The following LATS2 variants were observed in gnomAD, a reference collection of about 807,000 sequenced individuals.
The protein encoded by LATS2 is serine/threonine-protein kinase LATS2.
Under a neutral mutation model 76.0 loss-of-function variants are expected in LATS2, and 24 were observed. That is an observed-to-expected ratio of 0.32 (90% CI 0.23 to 0.44). The LOEUF (loss-of-function observed/expected upper bound fraction) is 0.44, where lower values mean the gene tolerates loss of function less well. Among genes scored for constraint, LATS2 ranks in the 20% least tolerant of loss-of-function variants. LATS2 has a pLI of 1.00. For synonymous variants in LATS2, 692 were observed against 635.4 expected, an observed-to-expected ratio of 1.09 and a Z score of -1.34; for missense variants, 1,286 against 1,481.2, an observed-to-expected ratio of 0.87 and a Z score of 2.16.
intron 2 of LATS2, among the ~76,000 whole-genome samples, chr13:21,019,422 G>C (rs1871949010): frequency 1.3e-5 from 2 of 149,258 alleles, no homozygotes; most frequent in South Asian, 4.2e-4. Context: ...TGCCTCCCGG[G>C]TTCAAGCGAT....
intron 3 of LATS2, among the ~76,000 whole-genome samples, chr13:20,990,171 G>A (rs1392218386): frequency 6.6e-6 from 1 of 152,152 alleles, no homozygotes; most frequent in Non-Finnish European, 1.5e-5. Flanking sequence ...CCCAGAAGAC[G>A]TCAGTGAAGA....
intron 6 of LATS2, among the ~76,000 whole-genome samples, chr13:20,980,562 C>T (rs890527420): frequency 2.6e-5 from 4 of 152,338 alleles, no homozygotes; most frequent in Non-Finnish European, 4.4e-5. Context: ...CTCCGTCCCA[C>T]CTCTTCCTGT....
chr13:20,989,158 G>T lies in LATS2; in HGVS notation c.622C>A (p.Pro208Thr). The T allele has an allele frequency of 6.2e-7, 1 of 1,612,598 alleles. No homozygotes were observed. The highest frequency in any genetic ancestry group is 1.7e-4 in the Middle Eastern group (1 of 6,058). ...AAAAGGTAGTCCACGTACGGCCGCG[G>T]CATCTCCTCCAGCGCCGTGGGGCCG... ...ADGPTALEEM[P>T]RPYVDYLFPG... The change falls in exon 4 of 8, where the codon CCG (proline) becomes ACG (threonine). Residue 208 changes from proline to threonine, a missense_variant. Physicochemically the swap from Pro to Thr is conservative, Grantham distance 38. This residue lies in a region of LATS2 where 710 missense variants were observed against 660.9 expected (regional missense o/e 1.07). Transcript: ENST00000382592.
chr13:21,025,404 A>AC (rs1872273316), intron 2 of LATS2, among the ~76,000 whole-genome samples: 1 of 148,132 alleles, frequency 6.8e-6, no homozygotes, highest in Non-Finnish European at 1.5e-5. Context: ...AAAAAAAAAA[A>AC]AAAAAAAAAA....
At position 21,030,867 on chromosome 13, in the gene LATS2, A is replaced by G. The variant is rs1006442743; in HGVS notation, c.342+14818T>C. Among the ~76,000 whole-genome samples the G allele has an allele frequency of 1.3e-3, 199 of 151,034 alleles. 1 individual carries two copies. Among genetic ancestry groups the G allele is most frequent in the African/African-American group, 4.4e-3 (180 of 41,150 alleles). On this transcript the variant is annotated intron_variant, in intron 2 of 7. Coordinates refer to ENST00000382592, the MANE Select transcript of LATS2 (RefSeq NM_014572.3). Reference sequence around the variant, plus strand: ...TATCCTTTAGCATTTTTCCCCCCATACACCCACCCCTTTAATATTTCTTTT... The same window carrying G: ...TATCCTTTAGCATTTTTCCCCCCATGCACCCACCCCTTTAATATTTCTTTT...
intron 2 of LATS2, 38 bp downstream of exon 2, chr13:21,045,647 C>T: frequency 1.3e-6 from 2 of 1,519,120 alleles, no homozygotes; most frequent in African/African-American, 1.4e-5. Context: ...TGTCCCATAG[C>T]TGCCTCTGCA....
At chr13:20,977,073 A>G (rs530776254) in intron 7 of LATS2, among the ~76,000 whole-genome samples, 23 of 152,278 alleles carry the variant, frequency 1.5e-4, no homozygotes, top group African/African-American at 4.8e-4. Context: ...CTAGACACAA[A>G]AAGACAGATA....
intron 7 of LATS2, among the ~76,000 whole-genome samples, chr13:20,978,758 CTTCTT>C (rs1458302565): frequency 6.6e-6 from 1 of 152,056 alleles, no homozygotes; most frequent in African/African-American, 2.4e-5. Context: ...CCTATTTTCT[CTTCTT>C]TATGATTTTT....
At chr13:21,060,573 G>A (rs1335310455) in intron 1 of LATS2, among the ~76,000 whole-genome samples, 1 of 152,054 alleles carries the variant, frequency 6.6e-6, no homozygotes, top group African/African-American at 2.4e-5. Context: ...GGCGCCCCCA[G>A]GGTCCGGTGG....
At chr13:20,984,351 A>T (rs775593160) in intron 4 of LATS2, among the ~76,000 whole-genome samples, 2 of 152,246 alleles carry the variant, frequency 1.3e-5, no homozygotes, top group Non-Finnish European at 2.9e-5. Context: ...AACTTCTATT[A>T]ACACAAATCT....
intron 2 of LATS2, among the ~76,000 whole-genome samples, chr13:21,015,811 C>T (rs1285772582): frequency 6.6e-6 from 1 of 151,804 alleles, no homozygotes; most frequent in Non-Finnish European, 1.5e-5. Flanking sequence ...GCGATTCTCT[C>T]GTCTCAGCCT....
chr13:20,990,546 C>A (rs934994352), intron 3 of LATS2, among the ~76,000 whole-genome samples: 1 of 148,572 alleles, frequency 6.7e-6, no homozygotes, highest in Non-Finnish European at 1.5e-5. Context: ...TGCCTCCATC[C>A]TCTGGCCTCA....
At chr13:21,034,159 C>T (rs903102417) in intron 2 of LATS2, among the ~76,000 whole-genome samples, 6 of 152,132 alleles carry the variant, frequency 3.9e-5, no homozygotes, top group African/African-American at 1.2e-4. Flanking sequence ...TTCTGGTCAG[C>T]GGGAAAACTC....
intron 1 of LATS2, among the ~76,000 whole-genome samples, chr13:21,049,152 A>C (rs879668469): frequency 1.3e-5 from 2 of 152,168 alleles, no homozygotes; most frequent in Admixed American, 1.3e-4. Flanking sequence ...TCCTGGAGAC[A>C]TAGGAGGTCA....
chr13:20,974,365 A>T lies in LATS2; in HGVS notation c.*505T>A, dbSNP rs1309833230. 4 of 228,406 alleles carry T rather than the reference A, an allele frequency of 1.8e-5. No homozygotes were observed. Among genetic ancestry groups the T allele is most frequent in the African/African-American group, 8.9e-5 (4 of 45,066 alleles). 14.1% of individuals were successfully genotyped at this position (228,406 alleles called of 1,614,324 possible). ...CAATTTTGAAACATGGGAAAAAATA[A>T]AAAACAAAAACCATTGTGTGGATAA... On this transcript the variant is annotated 3_prime_UTR_variant, in exon 8 of 8. Transcript: ENST00000382592.
At chr13:21,024,270 T>C (rs1215456533) in intron 2 of LATS2, among the ~76,000 whole-genome samples, 1 of 151,328 alleles carries the variant, frequency 6.6e-6, no homozygotes. Flanking sequence ...CCATCTCTAC[T>C]AAAAATAAAA....
chr13:20,996,972 G>C (rs1870785574), intron 2 of LATS2, among the ~76,000 whole-genome samples: 1 of 152,162 alleles, frequency 6.6e-6, no homozygotes, highest in African/African-American at 2.4e-5. Context: ...CACCCCGAGG[G>C]GCCTGGCAGC....
chr13:20,977,606 TTAAAA>T (rs1436280606), intron 7 of LATS2, among the ~76,000 whole-genome samples: 3 of 147,124 alleles, frequency 2.0e-5, no homozygotes, highest in Admixed American at 6.9e-5. Flanking sequence ...TGGTAAATAA[TTAAAA>T]TAATTATTAA....
intron 2 of LATS2, among the ~76,000 whole-genome samples, chr13:20,996,759 C>T (rs1411009843): frequency 6.6e-6 from 1 of 152,174 alleles, no homozygotes; most frequent in Non-Finnish European, 1.5e-5. Context: ...CAAAACCTGA[C>T]ATGGCATAAA....
Sources: gnomAD v4.1 joint callset for allele counts (sites outside exome capture counted in the v4.1 genomes callset) on GRCh38, gnomAD v4.1.1 for gene constraint, gnomAD v4.1.1 regional missense constraint, MANE v1.5 for transcripts, NCBI Gene and HGNC (gene_info 2026-07-23, HGNC 2026-07-21) for gene names.